RNLS: variants seen among roughly 807,000 people sequenced by gnomAD.
RNLS encodes the protein renalase, FAD dependent amine oxidase, also known as renalase.
A neutral mutation model predicts 39.8 loss-of-function variants in RNLS; 39 were observed. The observed-to-expected ratio is 0.98, with a 90% confidence interval of 0.76 to 1.28. The LOEUF (loss-of-function observed/expected upper bound fraction) is 1.28, where lower values mean the gene tolerates loss of function less well. Ranked by LOEUF, RNLS falls within the 50% of genes most tolerant of loss-of-function variation. The probability of loss-of-function intolerance (pLI) is 0.00; values close to 1 mark genes in which losing one functional copy is unlikely to be tolerated. For missense variants in RNLS, 410 were observed against 413.3 expected (o/e 0.99, Z 0.07); for synonymous variants, 147 against 150.7 (o/e 0.98, Z 0.18).
chr10:88,553,608 A>G (rs1273556645), intron 4 of RNLS, among the ~76,000 whole-genome samples: 1 of 152,194 alleles, frequency 6.6e-6, no homozygotes, highest in Non-Finnish European at 1.5e-5. Context: ...CTTCCTAGTA[A>G]AGGAGCAGAG....
intron 4 of RNLS, among the ~76,000 whole-genome samples, chr10:88,468,105 C>T (rs1256805977): frequency 6.6e-6 from 1 of 152,172 alleles, no homozygotes; most frequent in African/African-American, 2.4e-5. Flanking sequence ...CAGGATGAGA[C>T]TGATGGAAAG....
intron 6 of RNLS, among the ~76,000 whole-genome samples, chr10:88,310,805 A>AT (rs1845308906): frequency 7.6e-6 from 1 of 131,540 alleles, no homozygotes. Context: ...CTCTGCCAAA[A>AT]AAAAAAAAAA....
intron 4 of RNLS, among the ~76,000 whole-genome samples, chr10:88,479,780 CTTTTCTTT>C (rs1312509812): frequency 2.9e-5 from 4 of 136,524 alleles, no homozygotes; most frequent in Non-Finnish European, 6.3e-5. Flanking sequence ...TCTGGACTTT[CTTTTCTTT>C]TTTTCTTTTT....
At chr10:88,533,621 G>A (rs1847568920) in intron 4 of RNLS, among the ~76,000 whole-genome samples, 1 of 152,078 alleles carries the variant, frequency 6.6e-6, no homozygotes, top group South Asian at 2.1e-4. Context: ...TGAGGATGGA[G>A]TGAAGTGGGA....
intron 4 of RNLS, among the ~76,000 whole-genome samples, chr10:88,384,040 A>T (rs1564753311): frequency 6.6e-6 from 1 of 152,148 alleles, no homozygotes; most frequent in Non-Finnish European, 1.5e-5. Flanking sequence ...CAAATTTTCC[A>T]TTTTTGTCAA....
At chr10:88,571,033 G>C (rs1368987041) in intron 4 of RNLS, among the ~76,000 whole-genome samples, 6 of 147,502 alleles carry the variant, frequency 4.1e-5, no homozygotes, top group Non-Finnish European at 8.9e-5. Flanking sequence ...ACCCAGGCTA[G>C]AGGGCAGTGG....
downstream of RNLS, among the ~76,000 whole-genome samples, chr10:88,279,460 G>A (rs1842932186): frequency 1.3e-5 from 2 of 152,012 alleles, no homozygotes; most frequent in South Asian, 2.1e-4. Context: ...TCATAGACGA[G>A]GGCCCTGCGG....
At chr10:88,288,533 T>C (rs2132639165) in intron 6 of RNLS, among the ~76,000 whole-genome samples, 1 of 152,272 alleles carries the variant, frequency 6.6e-6, no homozygotes, top group South Asian at 2.1e-4. Context: ...TACATAAATC[T>C]CCATTTGTGG....
At chr10:88,288,005 G>A (rs1276928688) in intron 6 of RNLS, among the ~76,000 whole-genome samples, 3 of 152,118 alleles carry the variant, frequency 2.0e-5, no homozygotes, top group Non-Finnish European at 4.4e-5. Flanking sequence ...GCAATTAAAT[G>A]GAGAGGCAAA....
chr10:88,190,812 G>T, the RNLS span, among the ~76,000 whole-genome samples: 7 of 152,174 alleles, frequency 4.6e-5, no homozygotes, highest in Non-Finnish European at 7.3e-5. Flanking sequence ...TCATCTCAGA[G>T]TTGGCTTTCC....
chr10:88,311,164 A>C (rs764435241), intron 6 of RNLS, among the ~76,000 whole-genome samples: 40 of 152,226 alleles, frequency 2.6e-4, no homozygotes, highest in Non-Finnish European at 4.3e-4. Flanking sequence ...ACCTGAATGC[A>C]AATCAGAAAT....
At chr10:88,334,746 AG>A (rs925095940) in intron 5 of RNLS, among the ~76,000 whole-genome samples, 10 of 151,930 alleles carry the variant, frequency 6.6e-5, no homozygotes, top group African/African-American at 2.4e-4. Context: ...GATTTTATTG[AG>A]TTGAAGGCAT....
chr10:88,216,512 AAC>A, the RNLS span, among the ~76,000 whole-genome samples: 1 of 152,226 alleles, frequency 6.6e-6, no homozygotes, highest in Non-Finnish European at 1.5e-5. Context: ...ACCTAGCAGA[AAC>A]ACAGAATCTC....
chr10:88,526,006 G>A (rs551378541), intron 4 of RNLS, among the ~76,000 whole-genome samples: 1 of 152,112 alleles, frequency 6.6e-6, no homozygotes, highest in East Asian at 1.9e-4. Context: ...ATGAGGTGAA[G>A]TCCAAGTGAC....
the RNLS span, among the ~76,000 whole-genome samples, chr10:88,244,135 G>A: frequency 6.6e-6 from 1 of 152,198 alleles, no homozygotes; most frequent in Non-Finnish European, 1.5e-5. Context: ...GTGGGGGTGG[G>A]GGTTCCTGGG....
chr10:88,277,027 G>A (rs1266955498), intron 6 of RNLS, among the ~76,000 whole-genome samples: 1 of 152,098 alleles, frequency 6.6e-6, no homozygotes, highest in Non-Finnish European at 1.5e-5. Context: ...ACATGCACAC[G>A]TATGTTTACT....
intron 4 of RNLS, among the ~76,000 whole-genome samples, chr10:88,459,881 G>A (rs1408809138): frequency 6.6e-6 from 1 of 152,104 alleles, no homozygotes; most frequent in African/African-American, 2.4e-5. Context: ...AATTGAAATT[G>A]AATTCCCTAC....
chr10:88,482,697 C>T (rs531341764), intron 4 of RNLS, among the ~76,000 whole-genome samples: 16 of 152,152 alleles, frequency 1.1e-4, no homozygotes, highest in African/African-American at 3.6e-4. Context: ...TCCTTGGTTA[C>T]ACTTTCTAGT....
At chr10:88,277,949 C>A (rs7923201) in intron 6 of RNLS, among the ~76,000 whole-genome samples, 138,835 of 152,272 alleles carry the variant, frequency 0.91, 63,365 homozygotes, top group African/African-American at 0.93. Flanking sequence ...TTTAACTTTT[C>A]ACAAATTTTA....
Sources: gnomAD v4.1 joint callset for allele counts (sites outside exome capture counted in the v4.1 genomes callset) on GRCh38, gnomAD v4.1.1 for gene constraint, MANE v1.5 for transcripts, NCBI Gene and HGNC (gene_info 2026-07-23, HGNC 2026-07-21) for gene names.